Variants in FHOD3 observed in about 807,000 individuals in gnomAD.
FHOD3 encodes the protein FH1/FH2 domain-containing protein 3.
Under a neutral mutation model 173.0 loss-of-function variants are expected in FHOD3, and 90 were observed. The observed-to-expected ratio is 0.52, with a 90% CI of 0.44 to 0.62. The LOEUF (loss-of-function observed/expected upper bound fraction) is 0.62. Among genes scored for constraint, FHOD3 ranks in the 20% least tolerant of loss-of-function variants. The pLI is 0.00. For missense variants in FHOD3, 1,945 were observed against 2,034.7 expected (o/e 0.96, Z 0.85); for synonymous variants, 828 against 823.0 (o/e 1.01, Z -0.10).
chr18:36,428,635 C>T (rs764384170), intron 3 of FHOD3, among the ~76,000 whole-genome samples: 48 of 152,324 alleles, frequency 3.2e-4, no homozygotes, highest in Non-Finnish European at 5.4e-4. Context: ...CACATGGTCT[C>T]TCATCCCTTC....
At chr18:36,419,216 G>C (rs765948221) in intron 3 of FHOD3, among the ~76,000 whole-genome samples, 1 of 151,622 alleles carries the variant, frequency 6.6e-6, no homozygotes, top group Non-Finnish European at 1.5e-5. Flanking sequence ...TCTTCTCCTT[G>C]GTCAGAGGGT....
At chr18:36,602,057 A>T (rs1164023792) in intron 7 of FHOD3, among the ~76,000 whole-genome samples, 2 of 152,206 alleles carry the variant, frequency 1.3e-5, no homozygotes, top group Non-Finnish European at 2.9e-5. Context: ...CTTCTCAGCC[A>T]TTGCTCTGTA....
chr18:36,573,561 G>A (rs1220986677), intron 5 of FHOD3, among the ~76,000 whole-genome samples: 2 of 152,188 alleles, frequency 1.3e-5, no homozygotes, highest in Admixed American at 6.5e-5. Context: ...AGCCATGATG[G>A]CACCACTGCT....
Position 36,380,476 on chromosome 18 carries a change from C to G in FHOD3, c.337+7732C>G, listed in dbSNP as rs1390447784. On this transcript the variant is annotated intron_variant, in intron 3 of 28. Transcript: ENST00000590592. ...CCCTCACTCCCTTCCTCCCTTCATT[C>G]CCCTCCCTCCCTTCCCTCTCTTCCC... 2.3e-4 allele frequency among the ~76,000 whole-genome samples: 31 copies of G among 132,024 alleles called. No individual in the cohort carries two copies. In the Admixed American group the frequency reaches 2.5e-3, roughly 11 times the overall value. 86.6% of individuals were successfully genotyped at this position (132,024 alleles called of 152,430 possible). A position where few individuals can be genotyped will look rare whatever the true frequency, so the allele number is the denominator to read the frequency against.
chr18:36,604,232 G>T (rs1307476276), intron 8 of FHOD3, among the ~76,000 whole-genome samples: 2 of 152,206 alleles, frequency 1.3e-5, no homozygotes, highest in Non-Finnish European at 1.5e-5. Flanking sequence ...CTCATGCTGG[G>T]TGTGAGCCTG....
At chr18:36,591,496 T>C (rs938677472) in intron 6 of FHOD3, among the ~76,000 whole-genome samples, 6 of 152,186 alleles carry the variant, frequency 3.9e-5, no homozygotes, top group African/African-American at 7.2e-5. Flanking sequence ...TTCACACATA[T>C]GCTGACTGAA....
intron 3 of FHOD3, among the ~76,000 whole-genome samples, chr18:36,472,006 C>G (rs2053313302): frequency 6.6e-6 from 1 of 152,128 alleles, no homozygotes; most frequent in Non-Finnish European, 1.5e-5. Context: ...CAAATACTGG[C>G]TGAGAGGATA....
At chr18:36,391,484 G>A (rs527331535) in intron 3 of FHOD3, among the ~76,000 whole-genome samples, 57 of 152,302 alleles carry the variant, frequency 3.7e-4, no homozygotes, top group Admixed American at 1.0e-3. Flanking sequence ...ACCATAGCCA[G>A]TGGTAAGTTC....
In FHOD3 at chr18:36,779,596, C is replaced by A; in HGVS notation, c.*66C>A. The A allele has an allele frequency of 1.4e-6, 2 of 1,442,052 alleles. No homozygotes were observed. Among genetic ancestry groups the A allele is most frequent in the African/African-American group, 1.4e-5 (1 of 71,452 alleles). The allele number at this position is 1,442,052 out of a possible 1,614,324, so 89.3% of individuals were successfully genotyped here. A position where few individuals can be genotyped will look rare whatever the true frequency, so the allele number is the denominator to read the frequency against. ...AAGCTCTTGCTGGATGAAACCCCTC[C>A]AGGTGGGGTTGGGGAGACTTGATAT... On this transcript the variant is annotated 3_prime_UTR_variant, in exon 29 of 29. Coordinates refer to ENST00000590592, the MANE Select transcript of FHOD3 (RefSeq NM_001281740.3).
intron 3 of FHOD3, among the ~76,000 whole-genome samples, chr18:36,451,889 G>A (rs1378127253): frequency 6.6e-6 from 1 of 152,212 alleles, no homozygotes; most frequent in African/African-American, 2.4e-5. Flanking sequence ...GGGTAGTGCA[G>A]TGGCTCAGCA....
intron 1 of FHOD3, among the ~76,000 whole-genome samples, chr18:36,326,166 T>C (rs2044661921): frequency 6.6e-6 from 1 of 152,182 alleles, no homozygotes; most frequent in Admixed American, 6.5e-5. Flanking sequence ...TTCTTGGTAA[T>C]GGGAAAGTCA....
chr18:36,339,018 C>T (rs915579455), intron 1 of FHOD3, among the ~76,000 whole-genome samples: 5 of 152,150 alleles, frequency 3.3e-5, no homozygotes, highest in Admixed American at 2.0e-4. Context: ...TTCTGCTCTC[C>T]CCCTGCCCAG....
chr18:36,395,979 C>G (rs1418644947), intron 3 of FHOD3, among the ~76,000 whole-genome samples: 1 of 152,116 alleles, frequency 6.6e-6, no homozygotes, highest in Admixed American at 6.5e-5. Context: ...CTAGTAGATT[C>G]TTTAGAAAGG....
At chr18:36,616,440 T>C (rs2033208277) in intron 9 of FHOD3, among the ~76,000 whole-genome samples, 1 of 152,200 alleles carries the variant, frequency 6.6e-6, no homozygotes, top group South Asian at 2.1e-4. Context: ...CAGGGCACAT[T>C]TTCTCTCCAG....
chr18:36,359,889 T>G (rs1467178361), intron 2 of FHOD3, among the ~76,000 whole-genome samples: 2 of 152,230 alleles, frequency 1.3e-5, no homozygotes, highest in African/African-American at 2.4e-5. Context: ...CACTCAAAAC[T>G]GTTAGCCTCT....
intron 13 of FHOD3, among the ~76,000 whole-genome samples, chr18:36,654,443 A>G (rs1014241144): frequency 6.6e-6 from 1 of 152,102 alleles, no homozygotes; most frequent in Non-Finnish European, 1.5e-5. Flanking sequence ...TAATTTGTCT[A>G]TTGTATATAT....
intron 28 of FHOD3, among the ~76,000 whole-genome samples, chr18:36,772,335 A>G (rs1434617680): frequency 3.3e-5 from 5 of 152,260 alleles, no homozygotes; most frequent in South Asian, 4.1e-4. Flanking sequence ...CAGAGGTTAA[A>G]GGAACAACAA....
chr18:36,390,920 C>A (rs992972126), intron 3 of FHOD3, among the ~76,000 whole-genome samples: 1 of 152,208 alleles, frequency 6.6e-6, no homozygotes, highest in African/African-American at 2.4e-5. Context: ...CTGGAAAGAT[C>A]AAGTATTTAC....
At chr18:36,701,809 C>A (rs16968189) in intron 17 of FHOD3, among the ~76,000 whole-genome samples, 3,724 of 152,196 alleles carry the variant, frequency 0.024, 160 homozygotes, top group African/African-American at 0.085. Flanking sequence ...GTTATGGGAT[C>A]TATAAGGTAG....
Sources: allele counts gnomAD v4.1 joint callset (sites outside exome capture counted in the v4.1 genomes callset), GRCh38; gene constraint gnomAD v4.1.1; transcripts MANE v1.5; gene names NCBI Gene and HGNC (gene_info 2026-07-23, HGNC 2026-07-21).